GALNT2: variants seen among roughly 807,000 people sequenced by gnomAD.
GALNT2 encodes the protein polypeptide N-acetylgalactosaminyltransferase 2.
GALNT2 carries 31 observed loss-of-function variants against 81.4 expected under a neutral mutation model. The observed-to-expected ratio is 0.38, with a 90% CI of 0.29 to 0.51. The LOEUF (loss-of-function observed/expected upper bound fraction) is 0.51, where lower values mean the gene tolerates loss of function less well. Among genes scored for constraint, GALNT2 ranks in the 20% least tolerant of loss-of-function variants. GALNT2 has a pLI of 0.87. For missense variants in GALNT2, 629 were observed against 765.7 expected (o/e 0.82, Z 2.11); for synonymous variants, 303 against 287.4 (o/e 1.05, Z -0.55).
chr1:230,110,847 G>C (rs74145444), intron 1 of GALNT2, among the ~76,000 whole-genome samples: 5,020 of 152,056 alleles, frequency 0.033, 291 homozygotes, highest in African/African-American at 0.11. Context: ...CTGGGGAGGC[G>C]TGGAGTATAT....
intron 1 of GALNT2, among the ~76,000 whole-genome samples, chr1:230,130,640 CAGA>C (rs1661338217): frequency 3.3e-5 from 5 of 152,336 alleles, no homozygotes; most frequent in Admixed American, 3.3e-4. Context: ...CATGCAGGAG[CAGA>C]AGGACAAGCA....
chr1:230,149,258 C>T (rs1662020049), intron 1 of GALNT2, among the ~76,000 whole-genome samples: 1 of 152,074 alleles, frequency 6.6e-6, no homozygotes, highest in Non-Finnish European at 1.5e-5. Context: ...ATTTTATGGT[C>T]TTGACCTTGT....
At position 230,275,343 on chromosome 1, in the gene GALNT2, CAT is replaced by C. The variant is rs887651081; in HGVS notation, c.1560+787_1560+788del. ...TATATATACACACCACATATGTATA[CAT>C]ATATATACATGCCACATATACATCT... is the stretch of plus-strand genomic sequence containing the variant. On this transcript the variant is annotated intron_variant, in intron 15 of 15. Coordinates refer to ENST00000366672, the MANE Select transcript of GALNT2 (RefSeq NM_004481.5). The surrounding 1 kb of genome is among the most constrained non-coding windows in gnomAD (Gnocchi z 5.5). 6.6e-6 allele frequency among the ~76,000 whole-genome samples: 1 copy of C among 151,162 alleles called. No individual in the cohort carries two copies. Among genetic ancestry groups the C allele is most frequent in the East Asian group, 1.9e-4 (1 of 5,136 alleles).
At chr1:230,115,973 C>CT (rs1227129336) in intron 1 of GALNT2, among the ~76,000 whole-genome samples, 1 of 152,228 alleles carries the variant, frequency 6.6e-6, no homozygotes, top group Non-Finnish European at 1.5e-5. Context: ...GTCGTCTCCA[C>CT]TTCTAGTTCT....
At chr1:230,068,193 G>A (rs12041601) in intron 1 of GALNT2, among the ~76,000 whole-genome samples, 11,996 of 152,352 alleles carry the variant, frequency 0.079, 711 homozygotes, top group East Asian at 0.35. Flanking sequence ...TGCTCCAGGG[G>A]CCGAGTGATC....
At chr1:230,102,641 T>G (rs1660434635) in intron 1 of GALNT2, among the ~76,000 whole-genome samples, 1 of 152,128 alleles carries the variant, frequency 6.6e-6, no homozygotes, top group African/African-American at 2.4e-5. Context: ...CCCAGGCTTA[T>G]TGTAAAAACA....
At chr1:230,267,432 C>A (rs962524722) in intron 14 of GALNT2, among the ~76,000 whole-genome samples, 2 of 152,200 alleles carry the variant, frequency 1.3e-5, no homozygotes, top group Non-Finnish European at 2.9e-5. Flanking sequence ...CATGTTTAAT[C>A]ACTGGGCTTC....
intron 2 of GALNT2, among the ~76,000 whole-genome samples, chr1:230,200,642 C>T (rs1279679274): frequency 6.6e-6 from 1 of 152,312 alleles, no homozygotes; most frequent in Admixed American, 6.5e-5. Flanking sequence ...GGGATTGAAG[C>T]TTCTAGAGCT....
At chr1:230,091,359 C>G (rs996474958) in intron 1 of GALNT2, among the ~76,000 whole-genome samples, 3 of 152,064 alleles carry the variant, frequency 2.0e-5, no homozygotes, top group African/African-American at 7.2e-5. Context: ...CAGGTGTGAG[C>G]CATTGTGCCC....
chr1:230,266,464 A>T (rs1292699034), intron 14 of GALNT2, among the ~76,000 whole-genome samples: 1 of 152,180 alleles, frequency 6.6e-6, no homozygotes, highest in Admixed American at 6.5e-5. Context: ...CCGTGTGTGT[A>T]TCCTGAATGT....
chr1:230,110,716 T>TTTTG (rs1477396994), intron 1 of GALNT2, among the ~76,000 whole-genome samples: 1 of 99,422 alleles, frequency 1.0e-5, no homozygotes, highest in Non-Finnish European at 2.1e-5. Context: ...GCTTTTCTGT[T>TTTTG]TTTTTTTTTT....
intron 6 of GALNT2, among the ~76,000 whole-genome samples, chr1:230,242,129 G>T (rs144046643): frequency 0.012 from 1,826 of 152,186 alleles, 18 homozygotes; most frequent in Admixed American, 0.018. Context: ...GGATTGGAGC[G>T]CATCCTCGTG....
intron 1 of GALNT2, among the ~76,000 whole-genome samples, chr1:230,102,993 A>G (rs535806439): frequency 6.6e-6 from 1 of 152,300 alleles, no homozygotes; most frequent in South Asian, 2.1e-4. Flanking sequence ...TGAGGCTCAT[A>G]TTGAGGTTAA....
chr1:230,267,986 G>A (rs1466254098), intron 14 of GALNT2, among the ~76,000 whole-genome samples: 1 of 152,232 alleles, frequency 6.6e-6, no homozygotes, highest in African/African-American at 2.4e-5. Context: ...TCCGCTGGCT[G>A]TGTTCCTTCT....
chr1:230,274,313 A>G, intron 14 of GALNT2, 132 bp from the exon 15 acceptor site: 4 of 1,214,034 alleles, frequency 3.3e-6, no homozygotes, highest in Non-Finnish European at 4.5e-6. Flanking sequence ...TTTCGTTCTC[A>G]GTTGGCTCAG....
In GALNT2 at chr1:230,275,317, A is replaced by C. The variant is rs57222106; in HGVS notation, c.1560+753A>C. Among the ~76,000 whole-genome samples the C allele has an allele frequency of 0.047, 7,099 of 151,472 alleles. 594 individuals are homozygous for C. Among genetic ancestry groups the C allele is most frequent in the African/African-American group, 0.16 (6,712 of 41,096 alleles). On this transcript the variant is annotated intron_variant, in intron 15 of 15. Coordinates refer to ENST00000366672, the MANE Select transcript of GALNT2 (RefSeq NM_004481.5). The surrounding 1 kb of genome is among the most constrained non-coding windows in gnomAD (Gnocchi z 5.5). ...ACATTTATACATATATAAACGCCAC[A>C]TATATATACACACCACATATGTATA...
At chr1:230,197,371 A>G (rs897477573) in intron 2 of GALNT2, among the ~76,000 whole-genome samples, 2 of 152,154 alleles carry the variant, frequency 1.3e-5, no homozygotes, top group Admixed American at 6.5e-5. Context: ...TCGCCTGGGC[A>G]GTGCCCACAG....
At chr1:230,089,208 G>A (rs1659986771) in intron 1 of GALNT2, among the ~76,000 whole-genome samples, 1 of 149,304 alleles carries the variant, frequency 6.7e-6, no homozygotes. Context: ...GTGCAATGGT[G>A]TGATCTCGCC....
intron 1 of GALNT2, among the ~76,000 whole-genome samples, chr1:230,076,514 G>A (rs1659561809): frequency 6.6e-6 from 1 of 152,118 alleles, no homozygotes; most frequent in Non-Finnish European, 1.5e-5. Context: ...TGATACCCAG[G>A]CTTTGGAGAG....
Sources: allele counts gnomAD v4.1 joint callset (sites outside exome capture counted in the v4.1 genomes callset), GRCh38; gene constraint gnomAD v4.1.1; non-coding constraint Gnocchi (gnomAD v3.1); transcripts MANE v1.5; gene names NCBI Gene and HGNC (gene_info 2026-07-23, HGNC 2026-07-21).